REPS2: variants seen among roughly 807,000 people sequenced by gnomAD.
The protein encoded by REPS2 is RALBP1 associated Eps domain containing 2, also known as ralBP1-associated Eps domain-containing protein 2.
Under a neutral mutation model 53.6 loss-of-function variants are expected in REPS2, and 23 were observed. The observed-to-expected ratio is 0.43, with a 90% CI of 0.31 to 0.61. REPS2 has a LOEUF of 0.61. Ranked by LOEUF, REPS2 falls within the 20% of genes least tolerant of loss-of-function variation. The pLI, the probability that REPS2 is intolerant of heterozygous loss-of-function variation, is 0.11. For synonymous variants in REPS2, 238 were observed against 218.6 expected (o/e 1.09, Z -0.78); for missense variants, 446 against 534.9 (o/e 0.83, Z 1.64).
intron 13 of REPS2, among the ~76,000 whole-genome samples, chrX:17,086,731 A>G (rs1317963347): frequency 8.9e-6 from 1 of 112,810 alleles, no homozygotes; most frequent in Non-Finnish European, 1.9e-5. Flanking sequence ...ATTTGTGACT[A>G]TTATGAAGCT....
At chrX:17,071,445 C>A (rs75529015) in intron 11 of REPS2, among the ~76,000 whole-genome samples, 2,568 of 109,150 alleles carry the variant, frequency 0.024, 169 homozygotes, top group East Asian at 0.21. Context: ...TTTTAACATT[C>A]CTTCATTGAC....
the REPS2 span, among the ~76,000 whole-genome samples, chrX:17,194,315 C>A: frequency 0.14 from 15,162 of 110,332 alleles, 817 homozygotes; most frequent in Admixed American, 0.18. Flanking sequence ...TCTAATAGCC[C>A]AAAACAGCTC....
At chrX:17,038,090 G>A (rs2061788359) in intron 5 of REPS2, among the ~76,000 whole-genome samples, 1 of 112,301 alleles carries the variant, frequency 8.9e-6, no homozygotes, top group South Asian at 3.7e-4. Context: ...ACCATGCCAG[G>A]GGTACACTGA....
intron 11 of REPS2, among the ~76,000 whole-genome samples, chrX:17,073,502 A>G (rs1039512359): frequency 2.2e-4 from 25 of 111,819 alleles, no homozygotes; most frequent in South Asian, 1.5e-3. Flanking sequence ...TGATGAGGAA[A>G]AGTCATATGG....
chrX:17,051,145 A>G (rs890801422), intron 6 of REPS2, among the ~76,000 whole-genome samples: 3 of 111,395 alleles, frequency 2.7e-5, no homozygotes, highest in African/African-American at 6.5e-5. Flanking sequence ...TTCACTTAAC[A>G]TAATGATCTC....
At chrX:17,131,609 A>C (rs2063292822) in intron 14 of REPS2, among the ~76,000 whole-genome samples, 1 of 112,190 alleles carries the variant, frequency 8.9e-6, no homozygotes, top group Admixed American at 9.4e-5. Flanking sequence ...TTCTCAGCAC[A>C]TGAATGTTTT....
chrX:17,071,481 C>T (rs1304127176), intron 11 of REPS2, among the ~76,000 whole-genome samples: 1 of 110,118 alleles, frequency 9.1e-6, no homozygotes, highest in African/African-American at 3.3e-5. Context: ...CCAAATAAAA[C>T]TTGTCAGGTG....
chrX:16,948,946 A>G (rs2060473941), intron 1 of REPS2, among the ~76,000 whole-genome samples: 1 of 111,795 alleles, frequency 8.9e-6, no homozygotes. Flanking sequence ...ATCCAACAAA[A>G]TTACCATAAC....
chrX:17,157,928 G>A (rs938614331), downstream of REPS2, among the ~76,000 whole-genome samples: 6 of 111,876 alleles, frequency 5.4e-5, no homozygotes, highest in African/African-American at 2.0e-4. Context: ...CAGTAGTAGG[G>A]AACAATGGGG....
rs113227061 is a variant in REPS2 at position 17,002,334 on chromosome X, C to T, written c.274-3887C>T. On this transcript the variant is annotated intron_variant, in intron 1 of 17. Coordinates refer to ENST00000357277, the MANE Select transcript of REPS2 (RefSeq NM_004726.3). Reference sequence around the variant, plus strand: ...TTGCTTTTGATAGGGAGGTGCCCAACCAAAACTTGTTAAACTAACAAGTAC... The same window carrying T: ...TTGCTTTTGATAGGGAGGTGCCCAATCAAAACTTGTTAAACTAACAAGTAC... 5.4e-3 allele frequency among the ~76,000 whole-genome samples: 607 copies of T among 111,492 alleles called. 5 individuals carry two copies. The highest frequency in any genetic ancestry group is 0.019 in the African/African-American group (582 of 30,588).
intron 2 of REPS2, among the ~76,000 whole-genome samples, chrX:17,006,768 A>G (rs1037819839): frequency 2.7e-5 from 3 of 111,542 alleles, no homozygotes; most frequent in African/African-American, 6.5e-5. Flanking sequence ...TCAGCCTTTA[A>G]TTCTTAGTTT....
chrX:17,155,160 C>G (rs1039196537), downstream of REPS2, among the ~76,000 whole-genome samples: 1 of 111,664 alleles, frequency 9.0e-6, no homozygotes, highest in Admixed American at 9.5e-5. Context: ...GTTATAGAGG[C>G]TGAGAAGTCC....
intron 5 of REPS2, among the ~76,000 whole-genome samples, chrX:17,031,124 G>A (rs1569137185): frequency 8.9e-6 from 1 of 112,187 alleles, no homozygotes; most frequent in Non-Finnish European, 1.9e-5. Context: ...CTTTAAACAC[G>A]AGAATCACAC....
intron 1 of REPS2, among the ~76,000 whole-genome samples, chrX:16,947,376 A>T (rs904548962): frequency 8.9e-6 from 1 of 111,802 alleles, no homozygotes; most frequent in African/African-American, 3.3e-5. Context: ...TCCCTGAGAC[A>T]GTCTGACACT....
At chrX:17,160,259 G>A in the REPS2 span, among the ~76,000 whole-genome samples, 1 of 112,341 alleles carries the variant, frequency 8.9e-6, no homozygotes, top group Admixed American at 9.4e-5. Context: ...TAAACAAAAG[G>A]GAACCAGTAC....
chrX:17,040,867 T>C (rs1770146989), intron 5 of REPS2, among the ~76,000 whole-genome samples: 2 of 111,907 alleles, frequency 1.8e-5, no homozygotes, highest in Admixed American at 1.9e-4. Flanking sequence ...ATGTCATTGG[T>C]CAGATTGCAA....
chrX:17,090,623 A>G, intron 13 of REPS2, among the ~76,000 whole-genome samples: 1 of 112,549 alleles, frequency 8.9e-6, no homozygotes. Flanking sequence ...AATTCTTTAT[A>G]TATTCTGGAT....
Position 17,152,944 on chromosome X carries a change from A to C in REPS2, c.*5463A>C, listed in dbSNP as rs1376957058. On this transcript the variant is annotated 3_prime_UTR_variant, in exon 18 of 18. Transcript: ENST00000357277. Reference sequence around the variant, plus strand: ...GTAAAAATGTATATTTTTTCACTACAAGTACATTGAACAGTAAAAAGTGTA... The same window carrying C: ...GTAAAAATGTATATTTTTTCACTACCAGTACATTGAACAGTAAAAAGTGTA... The C allele has an allele frequency of 2.7e-5, 3 of 112,704 alleles. No individual in the cohort carries two copies. Among genetic ancestry groups the C allele is most frequent in the African/African-American group, 9.7e-5 (3 of 30,975 alleles). The allele number at this position is 112,704 out of a possible 1,213,427, so 9.3% of individuals were successfully genotyped here.
chrX:17,062,533 G>T lies in REPS2; in HGVS notation c.1209+1G>T, dbSNP rs1044109380. The T allele has an allele frequency of 1.5e-5, 18 of 1,168,243 alleles. No individual in the cohort carries two copies. The highest frequency in any genetic ancestry group is 2.0e-5 in the Non-Finnish European group (17 of 860,632). The stretch of plus-strand genomic sequence containing the variant: ...ACCTCGTGACTTGAATCGGATGGAG[G>T]TAAAAGATCTTCATATGCTAATAAA... On this transcript the variant is annotated splice_donor_variant, in intron 9 of 17. Coordinates refer to ENST00000357277, the MANE Select transcript of REPS2 (RefSeq NM_004726.3). LOFTEE classifies it high-confidence loss of function.
Sources: allele counts gnomAD v4.1 joint callset (sites outside exome capture counted in the v4.1 genomes callset), GRCh38; gene constraint gnomAD v4.1.1; transcripts MANE v1.5; gene names NCBI Gene and HGNC (gene_info 2026-07-23, HGNC 2026-07-21).